CSNK2A2: variants seen among roughly 807,000 people sequenced by gnomAD.
The protein encoded by CSNK2A2 is casein kinase II subunit alpha'.
In CSNK2A2, 8 loss-of-function variants were observed where a neutral mutation model predicts 54.0. The observed-to-expected ratio is 0.15, with a 90% CI of 0.09 to 0.27. CSNK2A2 has a LOEUF of 0.27. CSNK2A2 is among the 10% of genes least tolerant of loss of function. CSNK2A2 has a pLI of 1.00. For synonymous variants in CSNK2A2, 141 were observed against 153.9 expected, an observed-to-expected ratio of 0.92 and a Z score of 0.62; for missense variants, 242 against 439.4, an observed-to-expected ratio of 0.55 and a Z score of 4.02.
chr16:58,172,113 G>A (rs1017863188), intron 5 of CSNK2A2, among the ~76,000 whole-genome samples: 2 of 149,982 alleles, frequency 1.3e-5, no homozygotes, highest in South Asian at 2.1e-4. Context: ...GTGAGCCACC[G>A]AGTCTGGCCA....
chr16:58,177,230 A>G (rs1256315071), intron 4 of CSNK2A2, among the ~76,000 whole-genome samples: 2 of 152,234 alleles, frequency 1.3e-5, no homozygotes, highest in Non-Finnish European at 2.9e-5. Context: ...CTCTTCCAAG[A>G]AACAGAAGTA....
At chr16:58,163,174 T>C (rs568948407) in intron 11 of CSNK2A2, 1 of 149,378 alleles carries the variant, frequency 6.7e-6, no homozygotes, top group East Asian at 2.0e-4. Flanking sequence ...AAAAGGTCTC[T>C]GTTTCAGAGA....
intron 4 of CSNK2A2, among the ~76,000 whole-genome samples, chr16:58,176,579 C>T (rs879435963): frequency 1.2e-4 from 19 of 152,106 alleles, no homozygotes; most frequent in Non-Finnish European, 2.2e-4. Context: ...TGGCTTCCTC[C>T]GACTTTTGTA....
At chr16:58,175,915 C>A (rs1291152874) in intron 4 of CSNK2A2, among the ~76,000 whole-genome samples, 1 of 152,192 alleles carries the variant, frequency 6.6e-6, no homozygotes, top group Non-Finnish European at 1.5e-5. Flanking sequence ...CCCATTCAGG[C>A]AGAACAACAC....
At chr16:58,163,971 T>C in intron 11 of CSNK2A2, 83 bp downstream of exon 11, 1 of 1,081,608 alleles carries the variant, frequency 9.2e-7, no homozygotes, top group Non-Finnish European at 1.4e-6. Context: ...ATGATAAGAA[T>C]TTCTTTTTAT....
intron 1 of CSNK2A2, 96 bp from the exon 2 acceptor site, chr16:58,196,940 C>G: frequency 1.2e-6 from 1 of 805,530 alleles, no homozygotes; most frequent in Non-Finnish European, 2.2e-6. Flanking sequence ...ACCAGGCAAA[C>G]ACTTGGAAGT....
intron 7 of CSNK2A2, 35 bp downstream of exon 7, chr16:58,167,650 T>A: frequency 2.6e-6 from 4 of 1,510,544 alleles, no homozygotes; most frequent in Non-Finnish European, 3.7e-6. Context: ...TAAGCAAGTA[T>A]AAATAACCCA....
rs201070572 is a variant in CSNK2A2 at position 58,196,717 on chromosome 16, C to T, written c.216+16G>A. The T allele has an allele frequency of 1.9e-6, 3 of 1,547,532 alleles. No individual in the cohort carries two copies. Among genetic ancestry groups the T allele is most frequent in the Middle Eastern group, 1.7e-4 (1 of 5,932 alleles). On this transcript the variant is annotated intron_variant, in intron 2 of 11. Coordinates refer to ENST00000262506, the MANE Select transcript of CSNK2A2 (RefSeq NM_001896.4). ...GTGGGGAGGAAAATGTTACATACCA[C>T]TCATAGGACACTCACCTTCAGGATT...
At chr16:58,177,999 A>G (rs1270904834) in intron 4 of CSNK2A2, among the ~76,000 whole-genome samples, 1 of 152,214 alleles carries the variant, frequency 6.6e-6, no homozygotes, top group Non-Finnish European at 1.5e-5. Flanking sequence ...ATGACAAAAT[A>G]ATGTTAACGA....
chr16:58,182,111 A>G (rs1333890164), intron 4 of CSNK2A2, among the ~76,000 whole-genome samples: 5 of 152,186 alleles, frequency 3.3e-5, no homozygotes, highest in Non-Finnish European at 7.3e-5. Context: ...AAAGAAAGCT[A>G]CAAGAGAATG....
chr16:58,180,078 C>CAAAA (rs71385152), intron 4 of CSNK2A2, among the ~76,000 whole-genome samples: 5 of 91,004 alleles, frequency 5.5e-5, no homozygotes, highest in African/African-American at 1.6e-4. Flanking sequence ...GACTCCTTCT[C>CAAAA]AAAAAAAAAA....
rs531309639 is a variant in CSNK2A2, at chr16:58,187,994, T to C, written c.217-1138A>G. 1.6e-3 allele frequency among the ~76,000 whole-genome samples: 238 copies of C among 151,086 alleles called. 1 individual carries two copies. Among genetic ancestry groups the C allele is most frequent in the African/African-American group, 5.7e-3 (232 of 41,056 alleles). On this transcript the variant is annotated intron_variant, in intron 2 of 11. Coordinates refer to ENST00000262506, the MANE Select transcript of CSNK2A2 (RefSeq NM_001896.4). ...AGAGGCAAAGAGAGGCCAATGGATT[T>C]GCCAATAAATAATAAAGCAAGACTT...
chr16:58,186,954 C>G (rs1962209469), intron 2 of CSNK2A2, 98 bp from the exon 3 acceptor site: 2 of 905,742 alleles, frequency 2.2e-6, no homozygotes, highest in Non-Finnish European at 3.5e-6. Flanking sequence ...AGTACGCTAT[C>G]TTGTACACTC....
intron 2 of CSNK2A2, among the ~76,000 whole-genome samples, chr16:58,192,048 ACAAT>A (rs1962332413): frequency 6.6e-6 from 1 of 152,216 alleles, no homozygotes; most frequent in Non-Finnish European, 1.5e-5. Flanking sequence ...CTAAAACATG[ACAAT>A]CAATCTCTCT....
At chr16:58,175,062 G>A (rs1961840842) in intron 4 of CSNK2A2, among the ~76,000 whole-genome samples, 1 of 152,152 alleles carries the variant, frequency 6.6e-6, no homozygotes, top group African/African-American at 2.4e-5. Context: ...TATACCCTCT[G>A]CTCCCCGGAA....
At chr16:58,186,248 G>A (rs1962190783) in intron 3 of CSNK2A2, among the ~76,000 whole-genome samples, 1 of 152,222 alleles carries the variant, frequency 6.6e-6, no homozygotes, top group African/African-American at 2.4e-5. Flanking sequence ...CTACACATGT[G>A]ACATGAGCCC....
At chr16:58,193,840 CAAAA>C (rs914989239) in intron 2 of CSNK2A2, among the ~76,000 whole-genome samples, 15 of 151,932 alleles carry the variant, frequency 9.9e-5, no homozygotes, top group Non-Finnish European at 1.9e-4. Context: ...AACAATTTGT[CAAAA>C]AAAGATACAA....
At chr16:58,179,904 C>T (rs191017512) in intron 4 of CSNK2A2, among the ~76,000 whole-genome samples, 14 of 151,690 alleles carry the variant, frequency 9.2e-5, no homozygotes, top group Admixed American at 2.0e-4. Flanking sequence ...ATGGTGAAAC[C>T]CCGTCTGTAC....
Position 58,198,105 on chromosome 16 carries a change from A to G in CSNK2A2, c.-369T>C, listed in dbSNP as rs962021546. On this transcript the variant is annotated 5_prime_UTR_variant, in exon 1 of 12. Transcript: ENST00000262506. Reference sequence around the variant, plus strand: ...GGCGGCAGCGGAGAAGAAGGAGGAGAGGAGGAGGAGGCGGAGGAAACCCGG... The same window carrying G: ...GGCGGCAGCGGAGAAGAAGGAGGAGGGGAGGAGGAGGCGGAGGAAACCCGG... 6.8e-6 allele frequency among the ~76,000 whole-genome samples: 1 copy of G among 146,400 alleles called. No individual in the cohort carries two copies. The highest frequency in any genetic ancestry group is 2.0e-4 in the East Asian group (1 of 5,042).
Sources: gnomAD v4.1 joint callset for allele counts (sites outside exome capture counted in the v4.1 genomes callset) on GRCh38, gnomAD v4.1.1 for gene constraint, MANE v1.5 for transcripts, NCBI Gene and HGNC (gene_info 2026-07-23, HGNC 2026-07-21) for gene names.